THADA: variants seen among roughly 807,000 people sequenced by gnomAD.
THADA encodes the protein THADA armadillo repeat containing.
THADA carries 213 observed loss-of-function variants against 219.8 expected under a neutral mutation model. That is an observed-to-expected ratio of 0.97 (90% CI 0.87 to 1.09). THADA has a LOEUF of 1.09. Ranked by LOEUF, THADA falls within the 50% of genes least tolerant of loss-of-function variation. The pLI is 0.00. For synonymous variants in THADA, 1,018 were observed against 828.9 expected (o/e 1.23, Z -3.92); for missense variants, 2,956 against 2,311.3 (o/e 1.28, Z -5.72).
At chr2:43,542,767 G>A (rs1180066291) in intron 20 of THADA, among the ~76,000 whole-genome samples, 1 of 152,186 alleles carries the variant, frequency 6.6e-6, no homozygotes, top group Non-Finnish European at 1.5e-5. Flanking sequence ...CACCTGGGCT[G>A]TCAAGGCAGG....
chr2:43,265,917 T>C (rs1352663278), intron 36 of THADA, among the ~76,000 whole-genome samples: 1 of 147,362 alleles, frequency 6.8e-6, no homozygotes, highest in Non-Finnish European at 1.5e-5. Flanking sequence ...ATCCGATTTT[T>C]TTTTACTTTT....
At chr2:43,260,911 C>T (rs1395375071) in intron 36 of THADA, among the ~76,000 whole-genome samples, 2 of 152,090 alleles carry the variant, frequency 1.3e-5, no homozygotes, top group African/African-American at 4.8e-5. Context: ...CCTTTAAGGC[C>T]TCATTCATCT....
At chr2:43,305,536 C>G (rs750197103) in intron 31 of THADA, among the ~76,000 whole-genome samples, 3 of 152,188 alleles carry the variant, frequency 2.0e-5, no homozygotes, top group Non-Finnish European at 4.4e-5. Flanking sequence ...TCCCAGCATA[C>G]TCTCAAAGGC....
At chr2:43,520,333 A>G (rs1692246788) in intron 22 of THADA, among the ~76,000 whole-genome samples, 1 of 152,186 alleles carries the variant, frequency 6.6e-6, no homozygotes, top group African/African-American at 2.4e-5. Context: ...TAAAATTGCA[A>G]CCTTCTTAAA....
intron 23 of THADA, among the ~76,000 whole-genome samples, chr2:43,507,999 T>A (rs1253019173): frequency 6.6e-6 from 1 of 152,136 alleles, no homozygotes; most frequent in Non-Finnish European, 1.5e-5. Flanking sequence ...CATATTCTCA[T>A]ATGCAGAGAG....
At chr2:43,297,068 G>C (rs868807825) in intron 31 of THADA, among the ~76,000 whole-genome samples, 6 of 106,456 alleles carry the variant, frequency 5.6e-5, no homozygotes, top group Middle Eastern at 3.7e-3. Flanking sequence ...GTCTCCGCCC[G>C]GCCGCCATCC....
intron 29 of THADA, among the ~76,000 whole-genome samples, chr2:43,350,647 G>C (rs776003718): frequency 2.0e-5 from 3 of 152,212 alleles, no homozygotes; most frequent in Non-Finnish European, 2.9e-5. Flanking sequence ...AACTGGGCTA[G>C]AGCCGGAACC....
chr2:43,432,554 C>A (rs1337738001), intron 26 of THADA, among the ~76,000 whole-genome samples: 1 of 151,448 alleles, frequency 6.6e-6, no homozygotes, highest in African/African-American at 2.4e-5. Context: ...GGATTAATAT[C>A]CGAGAATAAA....
At chr2:43,261,636 A>ATTT (rs35414545) in intron 36 of THADA, among the ~76,000 whole-genome samples, 3 of 116,176 alleles carry the variant, frequency 2.6e-5, no homozygotes, top group Non-Finnish European at 5.4e-5. Context: ...TATTGTTTTG[A>ATTT]TTTTTTTTTT....
At position 43,572,915 on chromosome 2, in the gene THADA, T is replaced by C. The variant is rs760726810; in HGVS notation, c.1807A>G (p.Ile603Val). ...TGAAGATGTCCATGAGCTCTAGCTA[T>C]TCGCAGACATGCCATCAAAGCTCCC... ...ALGALMACLRIARAHGHLQSA... is the reference protein window; with the variant it reads ...ALGALMACLRVARAHGHLQSA... The change falls in exon 12 of 38, where the codon ATA becomes GTA. Residue 603 changes from isoleucine to valine, a missense_variant. Physicochemically the swap from Ile to Val is conservative, Grantham distance 29 (BLOSUM62 3). Coordinates refer to ENST00000405975, the MANE Select transcript of THADA (RefSeq NM_022065.5). 4 of 1,613,858 alleles carry C rather than the reference T, an allele frequency of 2.5e-6. No individual in the cohort carries two copies. Among genetic ancestry groups the C allele is most frequent in the Admixed American group, 1.7e-5 (1 of 59,996 alleles).
chr2:43,529,694 G>A (rs1018962892), intron 21 of THADA, among the ~76,000 whole-genome samples: 1 of 152,084 alleles, frequency 6.6e-6, no homozygotes, highest in Admixed American at 6.6e-5. Flanking sequence ...TCTTGATCCA[G>A]GTCTCCCCAA....
chr2:43,318,027 ATATTTTATTTTATTT>A (rs951856880), intron 31 of THADA, among the ~76,000 whole-genome samples: 1 of 152,006 alleles, frequency 6.6e-6, no homozygotes, highest in African/African-American at 2.4e-5. Flanking sequence ...TCTAGTTGCC[ATATTTTATTTTATTT>A]TATTTTATTT....
At chr2:43,328,918 GAGC>G (rs980537077) in intron 30 of THADA, among the ~76,000 whole-genome samples, 3 of 152,122 alleles carry the variant, frequency 2.0e-5, no homozygotes, top group African/African-American at 7.2e-5. Context: ...AGCCCCCAGG[GAGC>G]CTCCAGAATC....
intron 32 of THADA, 39 bp downstream of exon 32, chr2:43,292,795 G>GGGA: frequency 6.3e-7 from 1 of 1,580,954 alleles, no homozygotes; most frequent in Middle Eastern, 1.7e-4. Flanking sequence ...AAAGAATGTG[G>GGGA]GGAGTGTAAA....
intron 36 of THADA, among the ~76,000 whole-genome samples, chr2:43,257,296 A>G (rs1670433764): frequency 6.6e-6 from 1 of 152,246 alleles, no homozygotes; most frequent in Non-Finnish European, 1.5e-5. Context: ...TGGGAGAGGC[A>G]GAGAGGGAAG....
At chr2:43,408,664 A>C (rs1472839194) in intron 28 of THADA, among the ~76,000 whole-genome samples, 1 of 152,162 alleles carries the variant, frequency 6.6e-6, no homozygotes, top group Non-Finnish European at 1.5e-5. Flanking sequence ...AAGTTACATA[A>C]TGTCCTTTCA....
At chr2:43,541,114 G>T in intron 21 of THADA, 45 bp downstream of exon 21, 3 of 1,443,654 alleles carry the variant, frequency 2.1e-6, no homozygotes, top group South Asian at 1.6e-5. Flanking sequence ...AGTGATTTAT[G>T]CGTTGACCAG....
intron 26 of THADA, among the ~76,000 whole-genome samples, chr2:43,442,729 G>A (rs1436930585): frequency 6.6e-6 from 1 of 152,122 alleles, no homozygotes; most frequent in African/African-American, 2.4e-5. Flanking sequence ...TAGAAACATG[G>A]TGACCCCATG....
intron 20 of THADA, among the ~76,000 whole-genome samples, chr2:43,547,215 CTTATAGAG>C (rs1182350655): frequency 6.6e-6 from 1 of 152,212 alleles, no homozygotes; most frequent in Non-Finnish European, 1.5e-5. Flanking sequence ...TCTCTTCTGG[CTTATAGAG>C]TTTCTGCCGA....
Sources: allele counts gnomAD v4.1 joint callset (sites outside exome capture counted in the v4.1 genomes callset), GRCh38; gene constraint gnomAD v4.1.1; transcripts MANE v1.5; gene names NCBI Gene and HGNC (gene_info 2026-07-23, HGNC 2026-07-21).